The following RBPMS variants were observed in gnomAD, a reference collection of about 807,000 sequenced individuals.
RBPMS encodes the protein RNA binding protein, mRNA processing factor, also known as RNA-binding protein with multiple splicing.
RBPMS carries 7 observed loss-of-function variants against 26.8 expected under a neutral mutation model. The observed-to-expected ratio is 0.26, with a 90% CI of 0.15 to 0.49. The LOEUF (loss-of-function observed/expected upper bound fraction) is 0.49. RBPMS is among the 20% of genes least tolerant of loss of function. The probability of loss-of-function intolerance (pLI) is 0.98; values close to 1 mark genes in which losing one functional copy is unlikely to be tolerated. For missense variants in RBPMS, 186 were observed against 250.0 expected (o/e 0.74, Z 1.73); for synonymous variants, 96 against 93.3 (o/e 1.03, Z -0.17).
intron 1 of RBPMS, among the ~76,000 whole-genome samples, chr8:30,386,438 A>G (rs950244177): frequency 4.6e-5 from 7 of 152,242 alleles, no homozygotes; most frequent in Non-Finnish European, 1.0e-4. Context: ...ATGGTAGTGA[A>G]AACCTAAATG....
intron 1 of RBPMS, among the ~76,000 whole-genome samples, chr8:30,430,855 T>C (rs187700590): frequency 3.6e-4 from 55 of 152,318 alleles, no homozygotes; most frequent in Admixed American, 3.2e-3. Context: ...CAAAAAGATA[T>C]ATCAAATGCC....
chr8:30,540,290 G>A (rs1046776526), intron 5 of RBPMS, among the ~76,000 whole-genome samples: 4 of 152,188 alleles, frequency 2.6e-5, no homozygotes, highest in Admixed American at 6.5e-5. Context: ...AGACCATGAG[G>A]GAGAACCAGA....
chr8:30,481,974 T>C (rs745684799), intron 4 of RBPMS, among the ~76,000 whole-genome samples: 9 of 152,230 alleles, frequency 5.9e-5, no homozygotes, highest in Non-Finnish European at 1.3e-4. Flanking sequence ...GTCCATTTTA[T>C]ACAACATCCT....
intron 7 of RBPMS, among the ~76,000 whole-genome samples, chr8:30,560,572 T>C (rs1827376637): frequency 6.6e-6 from 1 of 152,134 alleles, no homozygotes; most frequent in Non-Finnish European, 1.5e-5. Context: ...GTATTTCATA[T>C]TTTAACTCAA....
intron 1 of RBPMS, among the ~76,000 whole-genome samples, chr8:30,428,165 A>G (rs1325389523): frequency 6.6e-6 from 1 of 151,862 alleles, no homozygotes; most frequent in Non-Finnish European, 1.5e-5. Context: ...CTGGGACTAC[A>G]GGTGCACACC....
In RBPMS at chr8:30,467,725, G is replaced by C. The variant is rs570752065; in HGVS notation, c.67-7054G>C. Among the ~76,000 whole-genome samples, 7 of 152,302 alleles carry C rather than the reference G, an allele frequency of 4.6e-5. No individual in the cohort carries two copies. The South Asian group carries it at 1.5e-3, about 32-fold the overall frequency. ...AAGTTACATGAATATATTTTTGCCAGATCAAGCTTGTCCCTGAGGATCAAG... is the reference window on the plus strand; with the variant it reads ...AAGTTACATGAATATATTTTTGCCACATCAAGCTTGTCCCTGAGGATCAAG... On this transcript the variant is annotated intron_variant, in intron 1 of 8. Coordinates refer to ENST00000397323, the MANE Select transcript of RBPMS (RefSeq NM_001008710.3).
intron 4 of RBPMS, among the ~76,000 whole-genome samples, chr8:30,500,081 C>G (rs1314447126): frequency 6.6e-6 from 1 of 152,142 alleles, no homozygotes; most frequent in Non-Finnish European, 1.5e-5. Context: ...AGTAGGAAAT[C>G]CCTTATTCCA....
chr8:30,469,800 C>T (rs1432869951), intron 1 of RBPMS, among the ~76,000 whole-genome samples: 1 of 152,152 alleles, frequency 6.6e-6, no homozygotes, highest in Non-Finnish European at 1.5e-5. Flanking sequence ...TTTTGGGGAA[C>T]AGTTTTGTTA....
chr8:30,561,955 A>G (rs544453606), intron 7 of RBPMS: 30 of 985,368 alleles, frequency 3.0e-5, no homozygotes, highest in African/African-American at 2.3e-4. Flanking sequence ...CCCTTCAGCA[A>G]TGGCTACTAG....
At chr8:30,468,299 C>A (rs911023930) in intron 1 of RBPMS, among the ~76,000 whole-genome samples, 35 of 152,128 alleles carry the variant, frequency 2.3e-4, no homozygotes, top group Non-Finnish European at 8.8e-5. Flanking sequence ...GATCACTATT[C>A]TGGTCTATAT....
At chr8:30,453,724 A>G (rs1814879874) in intron 1 of RBPMS, 2 of 152,184 alleles carry the variant, frequency 1.3e-5, no homozygotes, top group African/African-American at 4.8e-5. Flanking sequence ...CTCTGCTCCA[A>G]GATCAAGAAA....
At chr8:30,446,838 T>TGCGC (rs1420579582) in intron 1 of RBPMS, 8 of 92,904 alleles carry the variant, frequency 8.6e-5, no homozygotes, top group African/African-American at 3.8e-4. Flanking sequence ...TGTGTGTGTG[T>TGCGC]GTGTGCGCGC....
At chr8:30,451,548 A>G (rs934458397) in intron 1 of RBPMS, among the ~76,000 whole-genome samples, 6 of 152,090 alleles carry the variant, frequency 3.9e-5, no homozygotes, top group African/African-American at 1.4e-4. Flanking sequence ...TGCACCCCAA[A>G]CAGTTTTCTC....
intron 4 of RBPMS, among the ~76,000 whole-genome samples, chr8:30,489,866 A>G (rs1585638800): frequency 6.6e-6 from 1 of 150,572 alleles, no homozygotes; most frequent in African/African-American, 2.4e-5. Flanking sequence ...GCTGGAGTGC[A>G]GTGGCGCGAT....
At position 30,485,260 on chromosome 8, in the gene RBPMS, C is replaced by T. The variant is rs114591586; in HGVS notation, c.246+5883C>T. On this transcript the variant is annotated intron_variant, in intron 4 of 8. Transcript: ENST00000397323. ...AGCTTGTGAGTTAGGTGAATTATTT[C>T]CACCAAACAAAACATTTTACGAATA... Among the ~76,000 whole-genome samples, 204 of 152,278 alleles carry T rather than the reference C, an allele frequency of 1.3e-3. 2 individuals carry two copies. The highest frequency in any genetic ancestry group is 4.7e-3 in the African/African-American group (196 of 41,556).
Position 30,530,309 on chromosome 8 carries a change from A to AC in RBPMS, c.398-14183dup, listed in dbSNP as rs1241626889. Among the ~76,000 whole-genome samples, 5 of 152,226 alleles carry AC rather than the reference A, an allele frequency of 3.3e-5. No homozygotes were observed. The East Asian group carries it at 9.6e-4, about 29-fold the overall frequency. ...AGCCTCAGTATTGAGAGTGAGGCTGACCTGAGTTTTGAAATACAAGTCTAT... is the reference window on the plus strand; with the variant it reads ...AGCCTCAGTATTGAGAGTGAGGCTGACCCTGAGTTTTGAAATACAAGTCTAT... On this transcript the variant is annotated intron_variant, in intron 5 of 8. Coordinates refer to ENST00000397323, the MANE Select transcript of RBPMS (RefSeq NM_001008710.3).
In RBPMS at chr8:30,477,520, C is replaced by G. The variant is rs148812240; in HGVS notation, c.145-279C>G. ...AAAAAGATTGCTATTAACAGAGACACTCATTTTTCTACCATTGTGTAATTT... is the reference window on the plus strand; with the variant it reads ...AAAAAGATTGCTATTAACAGAGACAGTCATTTTTCTACCATTGTGTAATTT... On this transcript the variant is annotated intron_variant, in intron 2 of 8. Transcript: ENST00000397323. 2.0e-5 allele frequency among the ~76,000 whole-genome samples: 3 copies of G among 151,950 alleles called. 1 individual carries two copies. Among genetic ancestry groups the G allele is most frequent in the African/African-American group, 7.3e-5 (3 of 41,342 alleles).
chr8:30,486,467 CAAA>C (rs775790893), intron 4 of RBPMS, among the ~76,000 whole-genome samples: 1 of 123,534 alleles, frequency 8.1e-6, no homozygotes, highest in Non-Finnish European at 1.8e-5. Flanking sequence ...ACTAAAAGTA[CAAA>C]AAAAAAAAAA....
chr8:30,424,848 C>G (rs1563306122), intron 1 of RBPMS, among the ~76,000 whole-genome samples: 3 of 152,214 alleles, frequency 2.0e-5, no homozygotes, highest in East Asian at 1.9e-4. Flanking sequence ...TGTTGTATTT[C>G]CAAGTTTTTT....
Sources: gnomAD v4.1 joint callset for allele counts (sites outside exome capture counted in the v4.1 genomes callset) on GRCh38, gnomAD v4.1.1 for gene constraint, MANE v1.5 for transcripts, NCBI Gene and HGNC (gene_info 2026-07-23, HGNC 2026-07-21) for gene names.